NOX4: variants seen among roughly 807,000 people sequenced by gnomAD.
NOX4 encodes the protein NADPH oxidase 4, also known as kidney oxidase-1.
In NOX4, 69 loss-of-function variants were observed where a neutral mutation model predicts 87.6. That is an observed-to-expected ratio of 0.79 (90% confidence interval 0.65 to 0.96). NOX4 has a LOEUF of 0.96. Among genes scored for constraint, NOX4 ranks in the 40% least tolerant of loss-of-function variants. The pLI, the probability that NOX4 is intolerant of heterozygous loss-of-function variation, is 0.00. For synonymous variants in NOX4, 275 were observed against 238.2 expected (o/e 1.15, Z -1.42); for missense variants, 680 against 681.5 (o/e 1.00, Z 0.02).
At position 89,461,708 on chromosome 11, in the gene NOX4, G is replaced by A. The variant is rs559188630; in HGVS notation, c.154-9813C>T. 2.0e-5 allele frequency among the ~76,000 whole-genome samples: 3 copies of A among 147,440 alleles called. No individual in the cohort carries two copies. The South Asian group carries it at 6.5e-4, about 32-fold the overall frequency. On this transcript the variant is annotated intron_variant, in intron 2 of 17. Coordinates refer to ENST00000263317, the MANE Select transcript of NOX4 (RefSeq NM_016931.5). ...TTAAATCCAATATTAACATTATGCA[G>A]CAGAAGAAAGTGGAATGAGGGGAAC...
chr11:89,429,399 C>CA (rs1329240818), intron 7 of NOX4, among the ~76,000 whole-genome samples: 3 of 151,916 alleles, frequency 2.0e-5, no homozygotes, highest in Admixed American at 6.6e-5. Flanking sequence ...AAAAACCCTT[C>CA]AAAAAATCAA....
chr11:89,423,089 T>G (rs991431281), intron 7 of NOX4, among the ~76,000 whole-genome samples: 5 of 152,130 alleles, frequency 3.3e-5, no homozygotes, highest in African/African-American at 1.2e-4. Context: ...TGAGCCACCA[T>G]GCTTGGCCCT....
chr11:89,379,997 C>A (rs1940153774), intron 11 of NOX4, among the ~76,000 whole-genome samples: 1 of 152,126 alleles, frequency 6.6e-6, no homozygotes, highest in Non-Finnish European at 1.5e-5. Context: ...CACTCTCCCA[C>A]AACTCCTTTA....
intron 11 of NOX4, among the ~76,000 whole-genome samples, chr11:89,394,791 T>C (rs1941362139): frequency 6.6e-6 from 1 of 152,166 alleles, no homozygotes; most frequent in Middle Eastern, 3.2e-3. Context: ...CTCAGAATGA[T>C]GGTTTCCAGC....
At chr11:89,378,178 A>C (rs1344304986) in intron 11 of NOX4, among the ~76,000 whole-genome samples, 1 of 152,200 alleles carries the variant, frequency 6.6e-6, no homozygotes, top group African/African-American at 2.4e-5. Context: ...ATGGCCAAGC[A>C]CATCTGTTTC....
At chr11:89,573,960 C>G in the NOX4 span, among the ~76,000 whole-genome samples, 1 of 152,230 alleles carries the variant, frequency 6.6e-6, no homozygotes, top group Admixed American at 6.5e-5. Flanking sequence ...CCGGTGGAGT[C>G]GCCCCAGAAG....
chr11:89,587,889 A>G, the NOX4 span, among the ~76,000 whole-genome samples: 31 of 152,152 alleles, frequency 2.0e-4, no homozygotes, highest in African/African-American at 7.5e-4. Flanking sequence ...TTTCAATATG[A>G]CTTAAGATGA....
chr11:89,472,315 T>C (rs1038201718), intron 2 of NOX4, among the ~76,000 whole-genome samples: 1 of 152,142 alleles, frequency 6.6e-6, no homozygotes, highest in Non-Finnish European at 1.5e-5. Flanking sequence ...CTTTTAACTA[T>C]GATGTAATTT....
At chr11:89,368,510 A>G (rs1030143901) in intron 12 of NOX4, among the ~76,000 whole-genome samples, 2 of 152,106 alleles carry the variant, frequency 1.3e-5, no homozygotes, top group Non-Finnish European at 1.5e-5. Flanking sequence ...GTGTCCTTAC[A>G]TAACAGAAGA....
intron 6 of NOX4, 124 bp from the exon 7 acceptor site, chr11:89,432,980 CT>C (rs2135316458): frequency 1.5e-6 from 1 of 656,066 alleles, no homozygotes; most frequent in African/African-American, 1.8e-5. Context: ...AATCCCACAT[CT>C]ACATGTATGT....
chr11:89,584,840 A>C, the NOX4 span, among the ~76,000 whole-genome samples: 1 of 152,072 alleles, frequency 6.6e-6, no homozygotes, highest in Non-Finnish European at 1.5e-5. Context: ...TCATTCTATC[A>C]CTCATCTATC....
chr11:89,515,334 A>AT, the NOX4 span, among the ~76,000 whole-genome samples: 1 of 151,760 alleles, frequency 6.6e-6, no homozygotes, highest in Non-Finnish European at 1.5e-5. Context: ...CATCTTTTTC[A>AT]TATGTTTATG....
At chr11:89,513,616 C>T in the NOX4 span, among the ~76,000 whole-genome samples, 3 of 151,984 alleles carry the variant, frequency 2.0e-5, no homozygotes, top group South Asian at 2.1e-4. Flanking sequence ...TTTAATCCAT[C>T]GTATTAGTTC....
chr11:89,453,078 A>G (rs1462250018), intron 2 of NOX4, among the ~76,000 whole-genome samples: 12 of 152,148 alleles, frequency 7.9e-5, no homozygotes, highest in Non-Finnish European at 1.3e-4. Flanking sequence ...ATACACTCTT[A>G]GCTATTTTGA....
the NOX4 span, among the ~76,000 whole-genome samples, chr11:89,560,996 C>CTCTCTATATATATA: frequency 1.7e-4 from 7 of 40,800 alleles, no homozygotes; most frequent in African/African-American, 7.9e-4. Flanking sequence ...CTCTCTCTCT[C>CTCTCTATATATATA]TATATATATA....
chr11:89,500,844 C>T (rs1025991665), upstream of NOX4, among the ~76,000 whole-genome samples: 4 of 151,974 alleles, frequency 2.6e-5, no homozygotes, highest in African/African-American at 4.8e-5. Flanking sequence ...TTCAAGGCAC[C>T]GTATTTTAGG....
intron 6 of NOX4, among the ~76,000 whole-genome samples, chr11:89,439,525 T>C (rs767575297): frequency 2.0e-5 from 3 of 152,122 alleles, no homozygotes; most frequent in Non-Finnish European, 2.9e-5. Flanking sequence ...ATAAAATTGA[T>C]TCAAAAGAAA....
At chr11:89,500,274 A>G (rs1947002839), upstream of NOX4, among the ~76,000 whole-genome samples, 1 of 151,824 alleles carries the variant, frequency 6.6e-6, no homozygotes, top group South Asian at 2.1e-4. Context: ...TTGCCTGGAG[A>G]CCCTTTTGAT....
intron 2 of NOX4, among the ~76,000 whole-genome samples, chr11:89,459,423 C>A (rs553201205): frequency 3.3e-5 from 5 of 152,066 alleles, no homozygotes; most frequent in Non-Finnish European, 7.4e-5. Flanking sequence ...AGTAAACCTG[C>A]ACATGTACCA....
Sources: allele counts gnomAD v4.1 joint callset (sites outside exome capture counted in the v4.1 genomes callset), GRCh38; gene constraint gnomAD v4.1.1; transcripts MANE v1.5; gene names NCBI Gene and HGNC (gene_info 2026-07-23, HGNC 2026-07-21).